The following SCARA3 variants were observed in gnomAD, a reference collection of about 807,000 sequenced individuals.
The protein encoded by SCARA3 is scavenger receptor class A member 3.
A neutral mutation model predicts 47.0 loss-of-function variants in SCARA3; 39 were observed. The observed-to-expected ratio is 0.83, with a 90% confidence interval of 0.64 to 1.08. The LOEUF is 1.08. Ranked by LOEUF, SCARA3 falls within the 50% of genes least tolerant of loss-of-function variation. SCARA3 has a pLI of 0.00. For synonymous variants in SCARA3, 356 were observed against 334.1 expected, an observed-to-expected ratio of 1.07 and a Z score of -0.71; for missense variants, 724 against 792.3, an observed-to-expected ratio of 0.91 and a Z score of 1.04.
the SCARA3 span, chr8:27,733,528 T>G: frequency 6.6e-6 from 1 of 152,184 alleles, no homozygotes; most frequent in Non-Finnish European, 1.5e-5. Context: ...GTGCTGTCCT[T>G]GTTTCTGAGC....
At chr8:27,685,603 A>C in the SCARA3 span, among the ~76,000 whole-genome samples, 2 of 152,358 alleles carry the variant, frequency 1.3e-5, no homozygotes, top group East Asian at 3.9e-4. Flanking sequence ...GATCTAATAA[A>C]TAGTATGTAC....
intron 5 of SCARA3, among the ~76,000 whole-genome samples, chr8:27,670,200 GCT>G (rs1438320563): frequency 6.6e-6 from 1 of 152,142 alleles, no homozygotes; most frequent in Non-Finnish European, 1.5e-5. Context: ...TGCATTCCAG[GCT>G]CTGTGTCCAG....
At chr8:27,713,218 A>C in the SCARA3 span, among the ~76,000 whole-genome samples, 72 of 152,392 alleles carry the variant, frequency 4.7e-4, no homozygotes, top group African/African-American at 1.7e-3. Flanking sequence ...TGAAGATCAT[A>C]GGGCAGCCAC....
At chr8:27,667,888 C>G (rs733075) in intron 5 of SCARA3, among the ~76,000 whole-genome samples, 15,740 of 152,214 alleles carry the variant, frequency 0.1, 923 homozygotes, top group East Asian at 0.26. Context: ...AGACAGGCCC[C>G]CGATAACATC....
chr8:27,715,148 ACTC>A, the SCARA3 span, among the ~76,000 whole-genome samples: 2 of 151,924 alleles, frequency 1.3e-5, no homozygotes, highest in Non-Finnish European at 2.9e-5. This position sits in a 1 kb window ranked among gnomAD's most constrained non-coding sequence, Gnocchi z 4.2. Flanking sequence ...CTGATGTCAA[ACTC>A]CCGGCCTGAA....
the SCARA3 span, among the ~76,000 whole-genome samples, chr8:27,710,154 T>C: frequency 1.4e-5 from 2 of 145,618 alleles, no homozygotes; most frequent in African/African-American, 5.1e-5. Flanking sequence ...TGCTTGAACC[T>C]GGGAGGCAGA....
intron 1 of SCARA3, among the ~76,000 whole-genome samples, chr8:27,634,425 C>G (rs35068026): frequency 3.7e-4 from 56 of 152,312 alleles, no homozygotes; most frequent in East Asian, 2.9e-3. Context: ...TCACACACCC[C>G]CCCTTGCAGT....
intron 5 of SCARA3, among the ~76,000 whole-genome samples, chr8:27,670,558 G>T (rs575840442): frequency 6.6e-6 from 1 of 152,192 alleles, no homozygotes; most frequent in Non-Finnish European, 1.5e-5. Context: ...TGGGGTGGGG[G>T]TGAATACAGT....
intron 5 of SCARA3, among the ~76,000 whole-genome samples, chr8:27,666,597 G>A (rs1272508232): frequency 6.6e-6 from 1 of 152,234 alleles, no homozygotes; most frequent in Non-Finnish European, 1.5e-5. Flanking sequence ...TGACAGCTGG[G>A]TCTCAAACAC....
intron 5 of SCARA3, among the ~76,000 whole-genome samples, chr8:27,660,846 A>AGCTAGCTAGCTAGCTAGCTAGC (rs10700852): frequency 1.8e-5 from 1 of 56,596 alleles, no homozygotes; most frequent in African/African-American, 4.8e-5. Context: ...AGCTAGCTAG[A>AGCTAGCTAGCTAGCTAGCTAGC]TAGATAGATA....
chr8:27,637,942 G>A (rs1801291389), intron 1 of SCARA3, among the ~76,000 whole-genome samples: 1 of 152,038 alleles, frequency 6.6e-6, no homozygotes, highest in Non-Finnish European at 1.5e-5. Context: ...TAGAAGAAAA[G>A]GAGCTGATGT....
At chr8:27,701,813 A>C in the SCARA3 span, 1 of 153,882 alleles carries the variant, frequency 6.5e-6, no homozygotes, top group Admixed American at 6.6e-5. Context: ...TTGATGACTG[A>C]TGCTAGGGTG....
At chr8:27,642,474 A>C (rs375187490) in intron 1 of SCARA3, among the ~76,000 whole-genome samples, 3 of 152,212 alleles carry the variant, frequency 2.0e-5, no homozygotes, top group East Asian at 3.8e-4. Flanking sequence ...TGGGGTGCCC[A>C]TGCGAGACAG....
At chr8:27,667,840 G>T (rs538902356) in intron 5 of SCARA3, among the ~76,000 whole-genome samples, 4 of 152,272 alleles carry the variant, frequency 2.6e-5, no homozygotes, top group Non-Finnish European at 1.5e-5. Context: ...GGCACCACAG[G>T]CACCTGTCAG....
the SCARA3 span, among the ~76,000 whole-genome samples, chr8:27,689,812 T>C: frequency 3.4e-4 from 52 of 152,240 alleles, no homozygotes; most frequent in African/African-American, 1.2e-3. Context: ...AGGCGGTTTA[T>C]GTATTTATCA....
Position 27,672,425 on chromosome 8 carries a change from C to T in SCARA3, c.*1074C>T. The T allele has an allele frequency of 2.0e-6, 2 of 985,548 alleles. No homozygotes were observed. Among genetic ancestry groups the T allele is most frequent in the South Asian group, 9.4e-5 (2 of 21,292 alleles). 61.1% of individuals were successfully genotyped at this position (985,548 alleles called of 1,614,324 possible). A position where few individuals can be genotyped will look rare whatever the true frequency, so the allele number is the denominator to read the frequency against. ...CTCCCTTGCTCTCCCTGAGGCTGGC[C>T]TGCCCCATTCCCCAAGGGGGCTCCT... On this transcript the variant is annotated 3_prime_UTR_variant, in exon 6 of 6. Transcript: ENST00000301904.
chr8:27,729,338 C>G, the SCARA3 span, among the ~76,000 whole-genome samples: 3 of 152,202 alleles, frequency 2.0e-5, no homozygotes, highest in Non-Finnish European at 4.4e-5. Context: ...TCCCAGCCCC[C>G]ACAGCTCACA....
the SCARA3 span, among the ~76,000 whole-genome samples, chr8:27,733,131 C>T: frequency 2.0e-5 from 3 of 152,106 alleles, no homozygotes; most frequent in East Asian, 1.9e-4. Context: ...AATTCTTGGG[C>T]GACCTTCCCT....
At chr8:27,679,487 T>C (rs1191302890), downstream of SCARA3, among the ~76,000 whole-genome samples, 3 of 152,176 alleles carry the variant, frequency 2.0e-5, no homozygotes, top group Non-Finnish European at 1.5e-5. Flanking sequence ...TAAGAATGTA[T>C]ATTATAGTTT....
Sources: allele counts gnomAD v4.1 joint callset (sites outside exome capture counted in the v4.1 genomes callset), GRCh38; gene constraint gnomAD v4.1.1; non-coding constraint Gnocchi (gnomAD v3.1); transcripts MANE v1.5; gene names NCBI Gene and HGNC (gene_info 2026-07-23, HGNC 2026-07-21).